TRMT1: variants seen among roughly 807,000 people sequenced by gnomAD.
The protein encoded by TRMT1 is tRNA methyltransferase 1.
In TRMT1, 63 loss-of-function variants were observed where a neutral mutation model predicts 75.4. The observed-to-expected ratio is 0.84, with a 90% CI of 0.68 to 1.03. The LOEUF (loss-of-function observed/expected upper bound fraction) is 1.03, where lower values mean the gene tolerates loss of function less well. Among genes scored for constraint, TRMT1 ranks in the 50% least tolerant of loss-of-function variants. TRMT1 has a pLI of 0.00. For synonymous variants in TRMT1, 382 were observed against 358.1 expected, an observed-to-expected ratio of 1.07 and a Z score of -0.75; for missense variants, 870 against 905.3, an observed-to-expected ratio of 0.96 and a Z score of 0.50.
intron 7 of TRMT1, among the ~76,000 whole-genome samples, chr19:13,111,080 G>A (rs1456170300): frequency 1.3e-5 from 2 of 152,226 alleles, no homozygotes; most frequent in African/African-American, 2.4e-5. Context: ...AGAGCCCTCT[G>A]TGGACCACGC....
chr19:13,105,719 G>C, intron 14 of TRMT1, 113 bp from the exon 15 acceptor site: 3 of 1,091,712 alleles, frequency 2.7e-6, no homozygotes, highest in Non-Finnish European at 3.9e-6. Flanking sequence ...GTCTGCTCAT[G>C]TCAGGATTCT....
intron 5 of TRMT1, among the ~76,000 whole-genome samples, chr19:13,113,578 T>C (rs931529578): frequency 6.6e-6 from 1 of 152,080 alleles, no homozygotes; most frequent in African/African-American, 2.4e-5. Flanking sequence ...CCTGACACCA[T>C]TTCAAGCAGT....
chr19:13,113,611 T>C (rs1483169175), intron 5 of TRMT1, among the ~76,000 whole-genome samples: 1 of 151,950 alleles, frequency 6.6e-6, no homozygotes, highest in Non-Finnish European at 1.5e-5. Context: ...TAACACATTT[T>C]TTTTTTCCTT....
rs1442486910 is a variant in TRMT1, at chr19:13,115,355, C to G, written c.565G>C (p.Ala189Pro). ...SVVANDASTR[A>P]VDLIRRNVQL... ...ACATTCCGGCGTATGAGATCCACAG[C>G]CCGGGTGGAGGCATCGTTTGCAACC... The change falls in exon 5 of 17, where the codon GCT becomes CCT. Residue 189 changes from alanine (A) to proline (P), a missense_variant. Coordinates refer to ENST00000357720, the MANE Select transcript of TRMT1 (RefSeq NM_001136035.4). 6.2e-7 allele frequency: 1 copy of G among 1,613,956 alleles called. No individual in the cohort carries two copies. The highest frequency in any genetic ancestry group is 8.5e-7 in the Non-Finnish European group (1 of 1,180,034).
chr19:13,107,269 G>T (rs2018916853), intron 14 of TRMT1, among the ~76,000 whole-genome samples: 1 of 151,994 alleles, frequency 6.6e-6, no homozygotes, highest in African/African-American at 2.4e-5. Flanking sequence ...TGAGTAGCTG[G>T]GATTACAGGC....
At chr19:13,116,553 C>T (rs889182391) in intron 1 of TRMT1, 100 bp downstream of exon 1, 39 of 1,079,076 alleles carry the variant, frequency 3.6e-5, no homozygotes, top group Middle Eastern at 6.2e-4. Context: ...AAGCTGATAT[C>T]CCCTCGTTTT....
chr19:13,111,219 G>A (rs1421214291), intron 7 of TRMT1, among the ~76,000 whole-genome samples: 1 of 150,884 alleles, frequency 6.6e-6, no homozygotes, highest in Non-Finnish European at 1.5e-5. Flanking sequence ...AATTTTTAGG[G>A]TTTTTTTGTA....
At chr19:13,106,312 A>G (rs1337870286) in intron 14 of TRMT1, among the ~76,000 whole-genome samples, 2 of 151,586 alleles carry the variant, frequency 1.3e-5, no homozygotes, top group Admixed American at 1.3e-4. Context: ...GGCTCAAGCG[A>G]TCTTCCCGCC....
rs1229109585 is a variant in TRMT1, at chr19:13,105,664, CCA to C, written c.1584-60_1584-59del. 3 of 1,527,124 alleles carry C rather than the reference CCA, an allele frequency of 2.0e-6. No individual in the cohort carries two copies. The African/African-American group carries it at 4.1e-5, about 21-fold the overall frequency. The allele number at this position is 1,527,124 out of a possible 1,614,324, so 94.6% of individuals were successfully genotyped here. On this transcript the variant is annotated intron_variant, in intron 14 of 16. Transcript: ENST00000357720. ...GGGAAGCTGCCACACGAGTGTGTCCCCACTCCCCACAGGGCCTGTCCGCCTCC... is the reference window on the plus strand; with the variant it reads ...GGGAAGCTGCCACACGAGTGTGTCCCCTCCCCACAGGGCCTGTCCGCCTCC...
intron 5 of TRMT1, among the ~76,000 whole-genome samples, chr19:13,113,390 C>G (rs954507886): frequency 2.0e-5 from 3 of 151,934 alleles, no homozygotes; most frequent in African/African-American, 7.3e-5. Context: ...TCTCAAACTC[C>G]TGACCTCAAG....
chr19:13,107,909 A>C, intron 12 of TRMT1, 50 bp from the exon 13 acceptor site: 2 of 1,495,500 alleles, frequency 1.3e-6, no homozygotes, highest in Non-Finnish European at 9.1e-7. Context: ...CTTGACCCCA[A>C]AGCCCAAGCT....
chr19:13,105,143 T>C lies in TRMT1; in HGVS notation c.1834-62A>G. ...AGCTCAGCAGCCCCTGATGGGATCCTTTCCTGGGATGGGAAGCCCACTCCC... is the reference window on the plus strand; with the variant it reads ...AGCTCAGCAGCCCCTGATGGGATCCCTTCCTGGGATGGGAAGCCCACTCCC... On this transcript the variant is annotated intron_variant, in intron 16 of 16. Coordinates refer to ENST00000357720, the MANE Select transcript of TRMT1 (RefSeq NM_001136035.4). 1.9e-6 allele frequency: 3 copies of C among 1,547,692 alleles called. No homozygotes were observed. The South Asian group carries it at 3.7e-5, about 19-fold the overall frequency.
chr19:13,107,631 T>G lies in TRMT1; in HGVS notation c.1526A>C (p.Lys509Thr), dbSNP rs1362615155. The G allele has an allele frequency of 1.9e-6, 3 of 1,608,156 alleles. No individual in the cohort carries two copies. The African/African-American group carries it at 4.0e-5, about 21-fold the overall frequency. ...GCTAGTCTCTGATAGTCGCTCCCGT[T>G]TCACCGGACATTCCTTCTCCTGGGG... is the stretch of plus-strand genomic sequence containing the variant. ...MRCWEKECPVKRERLSETSPA... is the reference protein window; with the variant it reads ...MRCWEKECPVTRERLSETSPA... The change falls in exon 14 of 17, where the codon AAA becomes ACA. Residue 509 changes from lysine to threonine, a missense_variant. By Grantham distance (78) the Lys-to-Thr change is moderately conservative. Transcript: ENST00000357720.
chr19:13,112,422 AT>A (rs1038742508), intron 7 of TRMT1, among the ~76,000 whole-genome samples: 35 of 151,864 alleles, frequency 2.3e-4, no homozygotes, highest in Middle Eastern at 6.8e-3. Flanking sequence ...TAAAAAAAAA[AT>A]TTTTTTTTGA....
In TRMT1 at chr19:13,110,168, C is replaced by G; in HGVS notation, c.1009G>C (p.Ala337Pro). The part of the protein sequence containing the change: ...RVFTGQAKVK[A>P]SASKQALVFQ... ...TGCCCCCGGGCTGACCTGGCTGAGG[C>G]CTTGACCTTGGCCTGGCCGGTGAAG... The change falls in exon 8 of 17, where the codon GCC (alanine) becomes CCC (proline). Residue 337 changes from alanine (A) to proline (P), a missense_variant. Coordinates refer to ENST00000357720, the MANE Select transcript of TRMT1 (RefSeq NM_001136035.4). 6.2e-7 allele frequency: 1 copy of G among 1,612,280 alleles called. No homozygotes were observed. Among genetic ancestry groups the G allele is most frequent in the African/African-American group, 1.3e-5 (1 of 75,012 alleles).
chr19:13,115,849 C>T (rs1232093045), intron 3 of TRMT1, 81 bp from the exon 4 acceptor site: 4 of 1,605,094 alleles, frequency 2.5e-6, no homozygotes, highest in East Asian at 2.2e-5. Flanking sequence ...AAATATCGTC[C>T]CTGAAATCCC....
intron 5 of TRMT1, among the ~76,000 whole-genome samples, chr19:13,114,291 G>A (rs555350958): frequency 6.6e-6 from 1 of 152,352 alleles, no homozygotes; most frequent in Admixed American, 6.5e-5. Context: ...GAAGGCCGAG[G>A]TGGGCAGATC....
intron 1 of TRMT1, 78 bp from the exon 2 acceptor site, chr19:13,116,509 T>C: frequency 7.0e-7 from 1 of 1,423,864 alleles, no homozygotes; most frequent in Non-Finnish European, 9.4e-7. Context: ...TACATATCTA[T>C]GAGGTAGGGA....
intron 13 of TRMT1, 40 bp from the exon 14 acceptor site, chr19:13,107,690 A>G (rs1242390834): frequency 2.5e-6 from 4 of 1,575,198 alleles, no homozygotes; most frequent in East Asian, 2.3e-5. Flanking sequence ...ACTAGGCCCA[A>G]GGGACCTCCA....
Sources: gnomAD v4.1 joint callset for allele counts (sites outside exome capture counted in the v4.1 genomes callset) on GRCh38, gnomAD v4.1.1 for gene constraint, MANE v1.5 for transcripts, NCBI Gene and HGNC (gene_info 2026-07-23, HGNC 2026-07-21) for gene names.